RABGGTA: variants seen among roughly 807,000 people sequenced by gnomAD.
The protein encoded by RABGGTA is geranylgeranyl transferase type-2 subunit alpha.
RABGGTA carries 69 observed loss-of-function variants against 83.3 expected under a neutral mutation model. The observed-to-expected ratio is 0.83, with a 90% CI of 0.68 to 1.01. RABGGTA has a LOEUF of 1.01. Ranked by LOEUF, RABGGTA falls within the 50% of genes least tolerant of loss-of-function variation. RABGGTA has a pLI of 0.00. For synonymous variants in RABGGTA, 310 were observed against 299.8 expected (o/e 1.03, Z -0.35); for missense variants, 681 against 712.7 (o/e 0.96, Z 0.51).
chr14:24,270,965 T>C lies in RABGGTA; in HGVS notation c.4-18A>G. On this transcript the variant is annotated intron_variant, in intron 2 of 16. Coordinates refer to ENST00000216840, the MANE Select transcript of RABGGTA (RefSeq NM_182836.3). ...CGTCCGTGCTACAAGGATGAACGGG[T>C]TGGAAGAGTGCAGGTTGCCTTGCAG... 1.2e-6 allele frequency: 2 copies of C among 1,612,516 alleles called. No homozygotes were observed. Among genetic ancestry groups the C allele is most frequent in the Non-Finnish European group, 1.7e-6 (2 of 1,179,286 alleles).
At position 24,270,341 on chromosome 14, in the gene RABGGTA, T is replaced by TCCCCACAGCA; in HGVS notation, c.231_232insTGCTGTGGGG (p.Thr78CysfsTer9). 1 of 1,611,568 alleles carries TCCCCACAGCA rather than the reference T, an allele frequency of 6.2e-7. No individual in the cohort carries two copies. Among genetic ancestry groups the TCCCCACAGCA allele is most frequent in the South Asian group, 1.1e-5 (1 of 90,676 alleles). ...TCCTGAATCCCTACGCACTTCTGAG[T>TCCCCACAGCA]CTCCAGCTGCTGGAGCACCTCTCGT... On this transcript the variant is annotated frameshift_variant, in exon 4 of 17. Coordinates refer to ENST00000216840, the MANE Select transcript of RABGGTA (RefSeq NM_182836.3). LOFTEE classifies it high-confidence loss of function.
Position 24,268,969 on chromosome 14 carries a change from C to A in RABGGTA, c.740G>T (p.Cys247Phe). The A allele has an allele frequency of 6.3e-7, 1 of 1,586,696 alleles. No homozygotes were observed. Among genetic ancestry groups the A allele is most frequent in the South Asian group, 1.2e-5 (1 of 86,650 alleles). Residue 247 changes from cysteine (C) to phenylalanine (F), a missense_variant, in exon 8 of 17, where the codon TGC (cysteine) becomes TTC (phenylalanine). Transcript: ENST00000216840. Reference protein sequence around the residue: ...GRADPQDALRCLHVSRDEACL... With the variant: ...GRADPQDALRFLHVSRDEACL... ...GGCCTCGTCCCGGCTCACATGCAGGCAGCGCAGTGCATCCTGGGGGTCAGC... is the reference window on the plus strand; with the variant it reads ...GGCCTCGTCCCGGCTCACATGCAGGAAGCGCAGTGCATCCTGGGGGTCAGC...
intron 6 of RABGGTA, 153 bp from the exon 7 acceptor site, chr14:24,269,316 C>T: frequency 1.9e-6 from 2 of 1,039,110 alleles, no homozygotes; most frequent in Non-Finnish European, 2.8e-6. Context: ...GTTTTATCTT[C>T]CCCATCAGAC....
chr14:24,270,091 C>A lies in RABGGTA; in HGVS notation c.289G>T (p.Glu97Ter). ...TTGGGGTTCACCCGCAGGCAGCTCTCCAGGAAGCCCAGTTCTGCCTTCACC... is the reference window on the plus strand; with the variant it reads ...TTGGGGTTCACCCGCAGGCAGCTCTACAGGAAGCCCAGTTCTGCCTTCACC... ...ALVKAELGFLESCLRVNPKSY... is the reference protein window; with the variant it reads ...ALVKAELGFL The change falls in exon 5 of 17, where the codon GAG becomes TAG. Residue 97 changes from glutamate (E) to a stop codon, truncating the protein, a stop_gained. Transcript: ENST00000216840. LOFTEE classifies it high-confidence loss of function. 6.2e-7 allele frequency: 1 copy of A among 1,610,400 alleles called. No individual in the cohort carries two copies. The highest frequency in any genetic ancestry group is 1.1e-5 in the South Asian group (1 of 90,398).
intron 15 of RABGGTA, 125 bp from the exon 16 acceptor site, chr14:24,266,642 G>A: frequency 1.7e-6 from 2 of 1,197,082 alleles, no homozygotes; most frequent in Non-Finnish European, 1.2e-6. Flanking sequence ...GCTGCGTGAT[G>A]GAGGTGGAAG....
chr14:24,269,651 G>C lies in RABGGTA; in HGVS notation c.471C>G (p.Ala157=), dbSNP rs141912660. ...DYRRFVATQA[A]VPPAEELAFT... ...AGGCTAGCTCTTCTGCAGGGGGCAC[G>C]GCTGCCTGTGTGGCCACAAACCGCC... The change falls in exon 6 of 17, where the codon GCC becomes GCG. Residue 157 remains alanine (A), a synonymous_variant. Coordinates refer to ENST00000216840, the MANE Select transcript of RABGGTA (RefSeq NM_182836.3). 6.2e-7 allele frequency: 1 copy of C among 1,613,772 alleles called. No individual in the cohort carries two copies. The highest frequency in any genetic ancestry group is 2.2e-5 in the East Asian group (1 of 44,896).
chr14:24,268,948 TCGTCCCGGCTCACATGCAGG>T lies in RABGGTA; in HGVS notation c.741_760del (p.Cys247Ter). ...AGAGAAGGAGACAGTCAGACAGGCCTCGTCCCGGCTCACATGCAGGCAGCGCAGTGCATCCTGGGGGTCAG... is the reference window on the plus strand; with the variant it reads ...AGAGAAGGAGACAGTCAGACAGGCCTCAGCGCAGTGCATCCTGGGGGTCAG... On this transcript the variant is annotated stop_gained and frameshift_variant, in exon 8 of 17. Coordinates refer to ENST00000216840, the MANE Select transcript of RABGGTA (RefSeq NM_182836.3). LOFTEE classifies it high-confidence loss of function. The T allele has an allele frequency of 6.3e-7, 1 of 1,587,802 alleles. No homozygotes were observed. Among genetic ancestry groups the T allele is most frequent in the Non-Finnish European group, 8.6e-7 (1 of 1,166,124 alleles).
At position 24,266,862 on chromosome 14, in the gene RABGGTA, G is replaced by A; in HGVS notation, c.1381C>T (p.Gln461Ter). 1 of 1,613,938 alleles carries A rather than the reference G, an allele frequency of 6.2e-7. No individual in the cohort carries two copies. The highest frequency in any genetic ancestry group is 8.5e-7 in the Non-Finnish European group (1 of 1,179,840). ...KDLTVLCHLE[Q>*]LLLVTHLDLS... The stretch of plus-strand genomic sequence containing the variant: ...TCAAGATGGGTGACCAAGAGCAGCT[G>A]TTCCAGATGGCAGAGCACTGTCAGA... The change falls in exon 15 of 17, where the codon CAG becomes TAG. Residue 461 changes from glutamine to a stop codon, truncating the protein, a stop_gained. Coordinates refer to ENST00000216840, the MANE Select transcript of RABGGTA (RefSeq NM_182836.3). LOFTEE classifies it high-confidence loss of function.
At chr14:24,268,032 C>T in intron 12 of RABGGTA, 74 bp from the exon 13 acceptor site, 5 of 1,600,996 alleles carry the variant, frequency 3.1e-6, no homozygotes, top group Non-Finnish European at 4.3e-6. Flanking sequence ...GGCCTTCCTG[C>T]TGTCCTCTCA....
In RABGGTA at chr14:24,268,611, G is replaced by A; in HGVS notation, c.909C>T (p.Asp303=). ...GGTCGTTGAGGGAGGCAGCAGGCAGGTCACAGAGCTGGGAGTACTGGGTCA... is the reference window on the plus strand; with the variant it reads ...GGTCGTTGAGGGAGGCAGCAGGCAGATCACAGAGCTGGGAGTACTGGGTCA... ...RNRPSHVWLC[D]LPAASLNDQL... The change falls in exon 10 of 17, where the codon GAC becomes GAT. Residue 303 remains aspartate (D), a synonymous_variant. Coordinates refer to ENST00000216840, the MANE Select transcript of RABGGTA (RefSeq NM_182836.3). 3.7e-6 allele frequency: 6 copies of A among 1,613,922 alleles called. No homozygotes were observed. Among genetic ancestry groups the A allele is most frequent in the Non-Finnish European group, 5.1e-6 (6 of 1,179,840 alleles).
intron 16 of RABGGTA, among the ~76,000 whole-genome samples, chr14:24,266,166 T>C (rs533588596): frequency 1.1e-4 from 17 of 152,318 alleles, no homozygotes; most frequent in Admixed American, 5.9e-4. Flanking sequence ...TTCCTGATTT[T>C]CAAAAAACTA....
chr14:24,266,063 G>T (rs1351063413), intron 16 of RABGGTA, among the ~76,000 whole-genome samples: 1 of 152,164 alleles, frequency 6.6e-6, no homozygotes, highest in East Asian at 1.9e-4. Context: ...AATGACCAAG[G>T]GCTGCTGAGT....
rs186239364 is a variant in RABGGTA, at chr14:24,266,294, C to G, written c.1555+136G>C. On this transcript the variant is annotated intron_variant, in intron 16 of 16. Coordinates refer to ENST00000216840, the MANE Select transcript of RABGGTA (RefSeq NM_182836.3). ...TAGCCCGACAGCCCCAGGCTCTCCCCCTTCAACTCACACTACAGAGCCCCC... is the reference window on the plus strand; with the variant it reads ...TAGCCCGACAGCCCCAGGCTCTCCCGCTTCAACTCACACTACAGAGCCCCC... The G allele has an allele frequency of 6.2e-5, 48 of 772,896 alleles. No individual in the cohort carries two copies. In the East Asian group the frequency reaches 1.0e-3, roughly 17 times the overall value. 47.9% of individuals were successfully genotyped at this position (772,896 alleles called of 1,614,324 possible).
intron 4 of RABGGTA, 55 bp downstream of exon 4, chr14:24,270,279 G>C: frequency 6.2e-7 from 1 of 1,602,122 alleles, no homozygotes; most frequent in Non-Finnish European, 8.5e-7. Flanking sequence ...CCTAGACCCA[G>C]GCAGTGCAGG....
Position 24,268,912 on chromosome 14 carries a change from AAG to A in RABGGTA, c.795_796del (p.Leu266SerfsTer13). 6.3e-7 allele frequency: 1 copy of A among 1,583,424 alleles called. No homozygotes were observed. Among genetic ancestry groups the A allele is most frequent in the Non-Finnish European group, 8.6e-7 (1 of 1,164,192 alleles). On this transcript the variant is annotated frameshift_variant and splice_region_variant, in exon 8 of 17. Transcript: ENST00000216840. LOFTEE classifies it high-confidence loss of function. ...CTTGACAAAAGCTGCAGGACTCACT[AAG>A]AGGGGCCGAGAGAAGGAGACAGTCA...
In RABGGTA at chr14:24,270,180, C is replaced by T. The variant is rs915073407; in HGVS notation, c.240-40G>A. On this transcript the variant is annotated intron_variant, in intron 4 of 16. Transcript: ENST00000216840. ...GAAGGGGGGGGTCAGGGCTCTCCTA[C>T]AGTCAACCTCAGCTCACCCCTCACT... 6 of 1,571,282 alleles carry T rather than the reference C, an allele frequency of 3.8e-6. No homozygotes were observed. In the Admixed American group the frequency reaches 9.2e-5, roughly 24 times the overall value.
At chr14:24,266,378 G>A (rs1594579004) in intron 16 of RABGGTA, 52 bp downstream of exon 16, 1 of 1,535,856 alleles carries the variant, frequency 6.5e-7, no homozygotes. Flanking sequence ...CCCTTCCCAG[G>A]GTGGCACCTC....
Position 24,265,713 on chromosome 14 carries a change from C to A in RABGGTA, c.1606G>T (p.Val536Phe), listed in dbSNP as rs750566639. 4.4e-5 allele frequency: 71 copies of A among 1,612,472 alleles called. No homozygotes were observed. Among genetic ancestry groups the A allele is most frequent in the Non-Finnish European group, 5.7e-5 (67 of 1,179,428 alleles). The change falls in exon 17 of 17, where the codon GTC becomes TTC. Residue 536 changes from valine (V) to phenylalanine (F), a missense_variant. Transcript: ENST00000216840. ...GGGTTACCCTGCAGGTTGAGGAGGA[C>A]CAGCCTGGGGCAGGAGGCAAGAGGC... Reference protein sequence around the residue: ...LQPLASCPRLVLLNLQGNPLC... With the variant: ...LQPLASCPRLFLLNLQGNPLC...
In RABGGTA at chr14:24,265,651, A is replaced by T. The variant is rs777024813; in HGVS notation, c.1668T>A (p.Ala556=). Residue 556 remains alanine (A), a synonymous_variant, in exon 17 of 17, where the codon GCT becomes GCA. Transcript: ENST00000216840. ...CGCTGCTAACTGAAGGCAGCAGTTC[A>T]GCCAGTTGCTCCAAGATGCCCACCG... The part of the protein sequence containing the change: ...CQAVGILEQL[A]ELLPSVSSVL... 150 of 1,613,692 alleles carry T rather than the reference A, an allele frequency of 9.3e-5. 1 individual carries two copies. Among genetic ancestry groups the T allele is most frequent in the Middle Eastern group, 3.3e-4 (2 of 6,066 alleles).
Sources: allele counts gnomAD v4.1 joint callset (sites outside exome capture counted in the v4.1 genomes callset), GRCh38; gene constraint gnomAD v4.1.1; transcripts MANE v1.5; gene names NCBI Gene and HGNC (gene_info 2026-07-23, HGNC 2026-07-21).